Variants in STIM1 observed in about 807,000 individuals in gnomAD.
The protein encoded by STIM1 is stromal interaction molecule 1.
Under a neutral mutation model 74.7 loss-of-function variants are expected in STIM1, and 25 were observed. The ratio of observed to expected loss-of-function variants is 0.33; its 90% CI spans 0.24 to 0.47. The LOEUF is 0.47. STIM1 is among the 20% of genes least tolerant of loss of function. The probability of loss-of-function intolerance (pLI) is 1.00; values close to 1 mark genes in which losing one functional copy is unlikely to be tolerated. For synonymous variants in STIM1, 328 were observed against 348.8 expected, an observed-to-expected ratio of 0.94 and a Z score of 0.66; for missense variants, 728 against 920.8, an observed-to-expected ratio of 0.79 and a Z score of 2.71.
intron 1 of STIM1, chr11:3,903,482 T>C (rs11030210): frequency 6.6e-6 from 1 of 152,154 alleles, no homozygotes; most frequent in African/African-American, 2.4e-5. Flanking sequence ...GATGGCTCTG[T>C]CAGTTGGCAG....
chr11:4,045,658 C>T (rs2094185621), intron 3 of STIM1, among the ~76,000 whole-genome samples: 1 of 151,846 alleles, frequency 6.6e-6, no homozygotes, highest in Admixed American at 6.6e-5. Flanking sequence ...TGTCATATTT[C>T]CCAGGTTGGC....
chr11:3,890,224 G>C (rs569572161), intron 1 of STIM1, among the ~76,000 whole-genome samples: 1 of 152,294 alleles, frequency 6.6e-6, no homozygotes, highest in African/African-American at 2.4e-5. Flanking sequence ...CTAATGATAG[G>C]TGTTTTGCAA....
intron 1 of STIM1, among the ~76,000 whole-genome samples, chr11:3,871,791 TG>T (rs2091105508): frequency 6.6e-6 from 1 of 152,184 alleles, no homozygotes; most frequent in Non-Finnish European, 1.5e-5. Context: ...CTGTTACTCT[TG>T]ACTTTTCTGG....
intron 1 of STIM1, among the ~76,000 whole-genome samples, chr11:3,930,108 G>T (rs1034505727): frequency 2.6e-5 from 4 of 152,136 alleles, no homozygotes; most frequent in African/African-American, 7.2e-5. Context: ...AAGTGGAAAT[G>T]CTTAGCATTT....
chr11:4,040,923 A>G (rs4910877), intron 3 of STIM1, among the ~76,000 whole-genome samples: 42,552 of 152,162 alleles, frequency 0.28, 6,625 homozygotes, highest in South Asian at 0.46. Context: ...TATTTTTGCA[A>G]TGATGGTTCA....
Position 3,889,517 on chromosome 11 carries a change from G to A in STIM1, c.139+33108G>A, listed in dbSNP as rs142846007. 2.7e-3 allele frequency among the ~76,000 whole-genome samples: 415 copies of A among 151,974 alleles called. 2 individuals are homozygous for A. The highest frequency in any genetic ancestry group is 9.0e-3 in the African/African-American group (374 of 41,472). Reference sequence around the variant, plus strand: ...AGAGTAGCTGGGATTACAGGCACACGCCACCGCATCTGGCTAATTTTTTTA... The same window carrying A: ...AGAGTAGCTGGGATTACAGGCACACACCACCGCATCTGGCTAATTTTTTTA... On this transcript the variant is annotated intron_variant, in intron 1 of 12. Transcript: ENST00000526596.
intron 2 of STIM1, among the ~76,000 whole-genome samples, chr11:3,996,559 G>C (rs2093665189): frequency 6.6e-6 from 1 of 152,190 alleles, no homozygotes; most frequent in African/African-American, 2.4e-5. Flanking sequence ...GGGAGCTTGA[G>C]AGAGAAGGTC....
intron 3 of STIM1, among the ~76,000 whole-genome samples, chr11:4,047,965 C>T (rs961146172): frequency 7.2e-5 from 11 of 152,008 alleles, no homozygotes; most frequent in Non-Finnish European, 2.9e-5. Flanking sequence ...ACTGAAGGTG[C>T]GTGCCACCAC....
intron 2 of STIM1, among the ~76,000 whole-genome samples, chr11:3,969,555 T>A (rs1248480677): frequency 6.6e-6 from 1 of 152,154 alleles, no homozygotes; most frequent in Non-Finnish European, 1.5e-5. Context: ...TCTGTAAGGA[T>A]GAACCAGATA....
chr11:3,994,474 T>A lies in STIM1; in HGVS notation c.270+26792T>A, dbSNP rs565235722. On this transcript the variant is annotated intron_variant, in intron 2 of 12. Coordinates refer to ENST00000526596, the MANE Select transcript of STIM1 (RefSeq NM_001382567.1). ...TCTCCTTTTTCTTTCTTTTTTTTTT[T>A]TTTTGAGACATAGTCTCACTCTGTC... Among the ~76,000 whole-genome samples the A allele has an allele frequency of 4.0e-5, 6 of 150,666 alleles. 1 individual carries two copies. Among genetic ancestry groups the A allele is most frequent in the African/African-American group, 1.5e-4 (6 of 41,216 alleles).
chr11:3,882,829 A>G (rs2091567044), intron 1 of STIM1, among the ~76,000 whole-genome samples: 1 of 152,180 alleles, frequency 6.6e-6, no homozygotes, highest in Admixed American at 6.5e-5. Context: ...TTTTTTTATT[A>G]TAACCATTCT....
intron 1 of STIM1, among the ~76,000 whole-genome samples, chr11:3,875,572 A>G (rs2091281233): frequency 6.6e-6 from 1 of 151,988 alleles, no homozygotes; most frequent in Non-Finnish European, 1.5e-5. Flanking sequence ...CAAAAAATAC[A>G]AAAAATTAGC....
chr11:4,044,750 G>A (rs1590670099), intron 3 of STIM1, among the ~76,000 whole-genome samples: 1 of 152,282 alleles, frequency 6.6e-6, no homozygotes. Context: ...ATGTAGGAGC[G>A]ATTATTCTAG....
intron 3 of STIM1, among the ~76,000 whole-genome samples, chr11:4,041,642 ACTCAGGGTGGAGTGGTGCAAT>A (rs960926555): frequency 4.0e-5 from 6 of 151,630 alleles, no homozygotes; most frequent in Non-Finnish European, 8.8e-5. Flanking sequence ...CTTTGCTATC[ACTCAGGGTGGAGTGGTGCAAT>A]CTTGGCTCAC....
At position 4,091,789 on chromosome 11, in the gene STIM1, T is replaced by C. The variant is rs199935070; in HGVS notation, c.2142T>C (p.Leu714=). Residue 714 remains leucine, a synonymous_variant, in exon 13 of 13, where the codon CTT becomes CTC. Transcript: ENST00000526596. ...KFPLKIFKKP[L]KK Reference sequence around the variant, plus strand: ...CCCTCAAAATCTTTAAGAAGCCTCTTAAGAAGTAGGCAGGATGGGGTGGCA... The same window carrying C: ...CCCTCAAAATCTTTAAGAAGCCTCTCAAGAAGTAGGCAGGATGGGGTGGCA... The C allele has an allele frequency of 8.7e-6, 14 of 1,604,258 alleles. No individual in the cohort carries two copies. The highest frequency in any genetic ancestry group is 1.2e-5 in the Non-Finnish European group (14 of 1,179,984).
Position 4,091,459 on chromosome 11 carries a change from T to C in STIM1, c.1812T>C (p.Pro604=), listed in dbSNP as rs200693717. The stretch of plus-strand genomic sequence containing the variant: ...CAGGGTCTCTGGTGGAGAAACTGCC[T>C]GACAGCCCTGCCCTGGCCAAGAAGG... ...VHPGSLVEKL[P]DSPALAKKAL... is the part of the protein sequence containing the mutation. Residue 604 remains proline (P), a synonymous_variant, in exon 13 of 13, where the codon CCT becomes CCC. Transcript: ENST00000526596. The C allele has an allele frequency of 6.2e-7, 1 of 1,614,184 alleles. No homozygotes were observed. The highest frequency in any genetic ancestry group is 8.5e-7 in the Non-Finnish European group (1 of 1,180,032).
intron 1 of STIM1, among the ~76,000 whole-genome samples, chr11:3,876,649 T>A (rs1002096752): frequency 2.0e-5 from 3 of 152,174 alleles, no homozygotes; most frequent in Non-Finnish European, 2.9e-5. Context: ...GCTCAAGTGA[T>A]CCTCCTGCCT....
At chr11:4,075,629 T>C (rs928152040) in intron 7 of STIM1, among the ~76,000 whole-genome samples, 12 of 152,224 alleles carry the variant, frequency 7.9e-5, no homozygotes, top group Admixed American at 6.5e-4. Context: ...ACTCTTCTGT[T>C]GATAAACATT....
intron 3 of STIM1, among the ~76,000 whole-genome samples, chr11:4,049,265 C>T (rs1473186397): frequency 6.6e-6 from 1 of 151,192 alleles, no homozygotes; most frequent in Non-Finnish European, 1.5e-5. Context: ...ACTGAAATAT[C>T]TATGAATAGG....
Sources: gnomAD v4.1 joint callset for allele counts (sites outside exome capture counted in the v4.1 genomes callset) on GRCh38, gnomAD v4.1.1 for gene constraint, MANE v1.5 for transcripts, NCBI Gene and HGNC (gene_info 2026-07-23, HGNC 2026-07-21) for gene names.